The following SERAC1 variants were observed in gnomAD, a reference collection of about 807,000 sequenced individuals.
The protein encoded by SERAC1 is serine active site containing 1, also known as protein SERAC1.
In SERAC1, 36 loss-of-function variants were observed where a neutral mutation model predicts 85.7. That is an observed-to-expected ratio of 0.42 (90% confidence interval 0.32 to 0.55). The LOEUF (loss-of-function observed/expected upper bound fraction) is 0.55, where lower values mean the gene tolerates loss of function less well. SERAC1 is among the 20% of genes least tolerant of loss of function. SERAC1 has a pLI of 0.11. For synonymous variants in SERAC1, 242 were observed against 265.3 expected (o/e 0.91, Z 0.85); for missense variants, 629 against 796.2 (o/e 0.79, Z 2.53).
chr6:158,114,692 A>AAAATGAGATAATACATTCAAGGAATAT, intron 15 of SERAC1, 97 bp downstream of exon 15: 1 of 1,577,422 alleles, frequency 6.3e-7, no homozygotes, highest in Non-Finnish European at 8.6e-7. Context: ...TACAAATTAT[A>AAAATGAGATAATACATTCAAGGAATAT]AAATGAGATA....
intron 1 of SERAC1, among the ~76,000 whole-genome samples, chr6:158,166,840 AT>A (rs1194339989): frequency 6.6e-6 from 1 of 152,110 alleles, no homozygotes; most frequent in Non-Finnish European, 1.5e-5. Flanking sequence ...CATTTCTGAC[AT>A]CCCCCTGGCC....
Position 158,110,503 on chromosome 6 carries a change from T to C in SERAC1, c.*863A>G, listed in dbSNP as rs1784119852. 1 of 152,238 alleles carries C rather than the reference T, an allele frequency of 6.6e-6. No homozygotes were observed. The highest frequency in any genetic ancestry group is 6.5e-5 in the Admixed American group (1 of 15,292). The allele number at this position is 152,238 out of a possible 1,614,324, so 9.4% of individuals were successfully genotyped here. A position where few individuals can be genotyped will look rare whatever the true frequency, so the allele number is the denominator to read the frequency against. ...AAAGAAAAAAAGGTCATCGACATGA[T>C]TATCTACTACTCACATGCTATAGAG... On this transcript the variant is annotated 3_prime_UTR_variant, in exon 17 of 17. Coordinates refer to ENST00000647468, the MANE Select transcript of SERAC1 (RefSeq NM_032861.4).
Position 158,120,321 on chromosome 6 carries a change from A to G in SERAC1, c.1166+104T>C. On this transcript the variant is annotated intron_variant, in intron 11 of 16. Coordinates refer to ENST00000647468, the MANE Select transcript of SERAC1 (RefSeq NM_032861.4). The surrounding 1 kb of genome is among the most constrained non-coding windows in gnomAD (Gnocchi z 4.4). ...TAGTAAATAAGATATTTGACTTATA[A>G]GTTATTTAACTTATCTGAATTATGC... is the stretch of plus-strand genomic sequence containing the variant. 1 of 1,172,532 alleles carries G rather than the reference A, an allele frequency of 8.5e-7. No homozygotes were observed. Among genetic ancestry groups the G allele is most frequent in the Non-Finnish European group, 1.2e-6 (1 of 852,450 alleles). The allele number at this position is 1,172,532 out of a possible 1,614,324, so 72.6% of individuals were successfully genotyped here. A position where few individuals can be genotyped will look rare whatever the true frequency, so the allele number is the denominator to read the frequency against.
At chr6:158,158,203 C>A in intron 2 of SERAC1, 70 bp downstream of exon 2, 2 of 1,141,216 alleles carry the variant, frequency 1.8e-6, no homozygotes, top group South Asian at 1.4e-5. Context: ...TTTTGTGGCC[C>A]ATCTTAGAAA....
At chr6:158,144,169 A>ACATTCCAGT (rs1236478305) in intron 7 of SERAC1, 130 bp downstream of exon 7, 1 of 680,012 alleles carries the variant, frequency 1.5e-6, no homozygotes, top group Non-Finnish European at 2.4e-6. Context: ...TTTCAGTTTT[A>ACATTCCAGT]CATTCCAGTT....
Position 158,117,408 on chromosome 6 carries a change from A to G in SERAC1, c.1403+319T>C, listed in dbSNP as rs1247497681. On this transcript the variant is annotated intron_variant, in intron 13 of 16. Transcript: ENST00000647468. This position sits in a 1 kb window ranked among gnomAD's most constrained non-coding sequence, Gnocchi z 4.3. ...TCCTTTAGCCAGTATGATTGTGGAC[A>G]CAAGAACAAAAAAACATCACTTTTA... 1.3e-5 allele frequency: 14 copies of G among 1,053,028 alleles called. No homozygotes were observed. The highest frequency in any genetic ancestry group is 1.9e-5 in the Non-Finnish European group (14 of 735,956). The allele number at this position is 1,053,028 out of a possible 1,614,324, so 65.2% of individuals were successfully genotyped here.
At chr6:158,138,267 T>C (rs890724361) in intron 8 of SERAC1, among the ~76,000 whole-genome samples, 3 of 151,828 alleles carry the variant, frequency 2.0e-5, no homozygotes, top group Non-Finnish European at 2.9e-5. Context: ...ACCCCATCTC[T>C]ACTAAAAATA....
intron 15 of SERAC1, among the ~76,000 whole-genome samples, chr6:158,113,825 G>A (rs1000506531): frequency 1.3e-5 from 2 of 152,120 alleles, no homozygotes; most frequent in Admixed American, 6.5e-5. Context: ...ATTACTGGGG[G>A]CAGGAAGCAG....
At chr6:158,143,300 T>C in intron 7 of SERAC1, 116 bp from the exon 8 acceptor site, 1 of 977,296 alleles carries the variant, frequency 1.0e-6, no homozygotes, top group Non-Finnish European at 1.4e-6. Flanking sequence ...ATATTATGTG[T>C]GCATGTCTCT....
In SERAC1 at chr6:158,168,202, C is replaced by T. The variant is rs1785657599; in HGVS notation, c.-64G>A. 1 of 152,328 alleles carries T rather than the reference C, an allele frequency of 6.6e-6. No individual in the cohort carries two copies. Among genetic ancestry groups the T allele is most frequent in the Non-Finnish European group, 1.5e-5 (1 of 68,132 alleles). 9.4% of individuals were successfully genotyped at this position (152,328 alleles called of 1,614,324 possible). Reference sequence around the variant, plus strand: ...GTCGGACCCCGTTGTCTGGGGAGCCCTACTCTTTCCGCGGCTCCCGGCCGG... The same window carrying T: ...GTCGGACCCCGTTGTCTGGGGAGCCTTACTCTTTCCGCGGCTCCCGGCCGG... On this transcript the variant is annotated 5_prime_UTR_variant, in exon 1 of 17. Coordinates refer to ENST00000647468, the MANE Select transcript of SERAC1 (RefSeq NM_032861.4).
In SERAC1 at chr6:158,129,756, G is replaced by T. The variant is rs544060236; in HGVS notation, c.852+617C>A. Among the ~76,000 whole-genome samples the T allele has an allele frequency of 1.4e-4, 21 of 151,006 alleles. No homozygotes were observed. In the South Asian group the frequency reaches 2.1e-3, roughly 15 times the overall value. On this transcript the variant is annotated intron_variant, in intron 9 of 16. Transcript: ENST00000647468. ...CTGTCGCCCAGGCTGCAGTGCAGTGGCACAATCTCAGTTCACTGCAACCTC... is the reference window on the plus strand; with the variant it reads ...CTGTCGCCCAGGCTGCAGTGCAGTGTCACAATCTCAGTTCACTGCAACCTC...
intron 1 of SERAC1, among the ~76,000 whole-genome samples, chr6:158,167,577 G>T (rs1785635699): frequency 6.6e-6 from 1 of 150,856 alleles, no homozygotes; most frequent in African/African-American, 2.4e-5. Flanking sequence ...CTTAATGCGG[G>T]AAGTACAATT....
intron 8 of SERAC1, among the ~76,000 whole-genome samples, chr6:158,132,824 T>C (rs562506867): frequency 6.6e-6 from 1 of 152,298 alleles, no homozygotes; most frequent in East Asian, 1.9e-4. Context: ...TAAACCCTAA[T>C]GTAAAAATAA....
At chr6:158,133,029 G>A (rs149842393) in intron 8 of SERAC1, among the ~76,000 whole-genome samples, 41 of 152,232 alleles carry the variant, frequency 2.7e-4, no homozygotes, top group African/African-American at 9.9e-4. Flanking sequence ...GGTACAGGCC[G>A]AGCGTGGTAG....
intron 9 of SERAC1, 90 bp from the exon 10 acceptor site, chr6:158,128,360 G>T: frequency 1.5e-6 from 2 of 1,297,530 alleles, no homozygotes; most frequent in Non-Finnish European, 2.2e-6. Flanking sequence ...CAGCTAGGTA[G>T]CTCCCACTCA....
intron 10 of SERAC1, among the ~76,000 whole-genome samples, chr6:158,123,223 G>A (rs537543786): frequency 2.6e-5 from 4 of 152,184 alleles, no homozygotes; most frequent in African/African-American, 4.8e-5. Flanking sequence ...AGGGGATGCA[G>A]ATTATGTTTT....
chr6:158,143,335 CTCTCTCTCTCTCTA>C (rs1392984074), intron 7 of SERAC1, 151 bp from the exon 8 acceptor site: 6 of 135,050 alleles, frequency 4.4e-5, no homozygotes, highest in African/African-American at 2.5e-4. Flanking sequence ...CTCTCTCTCT[CTCTCTCTCTCTCTA>C]TATATATATA....
chr6:158,155,372 A>G (rs1583605849), intron 2 of SERAC1, 21 bp from the exon 3 acceptor site: 6 of 1,423,278 alleles, frequency 4.2e-6, no homozygotes, highest in Non-Finnish European at 4.9e-6. Flanking sequence ...AAAAAAGTCA[A>G]TGTGATGAAT....
intron 1 of SERAC1, among the ~76,000 whole-genome samples, chr6:158,160,701 T>A (rs1785467837): frequency 6.6e-6 from 1 of 152,200 alleles, no homozygotes; most frequent in African/African-American, 2.4e-5. Flanking sequence ...AGTTATACAA[T>A]TTATTTCTAT....
Sources: gnomAD v4.1 joint callset for allele counts (sites outside exome capture counted in the v4.1 genomes callset) on GRCh38, gnomAD v4.1.1 for gene constraint, Gnocchi (gnomAD v3.1) non-coding constraint, MANE v1.5 for transcripts, NCBI Gene and HGNC (gene_info 2026-07-23, HGNC 2026-07-21) for gene names.